Variants in SUFU observed in about 807,000 individuals in gnomAD.
SUFU encodes suppressor of fused homolog.
A neutral mutation model predicts 58.9 loss-of-function variants in SUFU; 7 were observed. That is an observed-to-expected ratio of 0.12 (90% CI 0.07 to 0.22). The LOEUF (loss-of-function observed/expected upper bound fraction) is 0.22, where lower values mean the gene tolerates loss of function less well. Ranked by LOEUF, SUFU falls within the 10% of genes least tolerant of loss-of-function variation. The pLI, the probability that SUFU is intolerant of heterozygous loss-of-function variation, is 1.00. For missense variants in SUFU, 451 were observed against 641.3 expected (o/e 0.70, Z 3.20); for synonymous variants, 232 against 254.8 (o/e 0.91, Z 0.85).
Position 102,629,927 on chromosome 10 carries a change from C to T in SUFU, c.1366-139C>T, listed in dbSNP as rs2063822619. ...AGCCCAGCCTGCCACCTGGGTCTAG[C>T]ATTTGAGAATGAAGCCACGCCTCCC... On this transcript the variant is annotated intron_variant, in intron 11 of 11. Transcript: ENST00000369902. This position sits in a 1 kb window ranked among gnomAD's most constrained non-coding sequence, Gnocchi z 4.7. 3 of 824,772 alleles carry T rather than the reference C, an allele frequency of 3.6e-6. No individual in the cohort carries two copies. The highest frequency in any genetic ancestry group is 4.3e-6 in the Non-Finnish European group (2 of 465,512). The allele number at this position is 824,772 out of a possible 1,614,324, so 51.1% of individuals were successfully genotyped here.
chr10:102,535,529 T>G (rs544630937), intron 2 of SUFU, among the ~76,000 whole-genome samples: 12 of 149,018 alleles, frequency 8.1e-5, no homozygotes, highest in African/African-American at 2.2e-4. Flanking sequence ...AAGAAAGAAA[T>G]AAGAGCTTTT....
chr10:102,620,414 C>T (rs2063729892), intron 10 of SUFU, among the ~76,000 whole-genome samples: 1 of 152,184 alleles, frequency 6.6e-6, no homozygotes, highest in Non-Finnish European at 1.5e-5. Flanking sequence ...ACAGCCTTCC[C>T]CCATCAGTCC....
At chr10:102,511,833 G>A (rs2062404123) in intron 2 of SUFU, among the ~76,000 whole-genome samples, 1 of 152,002 alleles carries the variant, frequency 6.6e-6, no homozygotes, top group African/African-American at 2.4e-5. Context: ...ACCTTAACCT[G>A]CCAAGGAGCT....
chr10:102,556,210 A>G (rs1271074004), intron 3 of SUFU, among the ~76,000 whole-genome samples: 2 of 149,214 alleles, frequency 1.3e-5, no homozygotes, highest in Non-Finnish European at 3.0e-5. Flanking sequence ...ATGGAGCTGT[A>G]TGAGGCAGCC....
intron 11 of SUFU, 83 bp downstream of exon 11, chr10:102,627,326 T>C (rs958856028): frequency 8.2e-7 from 1 of 1,219,444 alleles, no homozygotes; most frequent in East Asian, 2.3e-5. Flanking sequence ...TGTGCATGCA[T>C]GTGTGCGTGT....
intron 1 of SUFU, among the ~76,000 whole-genome samples, chr10:102,504,694 G>T (rs1347708562): frequency 6.6e-6 from 1 of 151,408 alleles, no homozygotes; most frequent in Non-Finnish European, 1.5e-5. Flanking sequence ...GGGGGCGGCC[G>T]AAGTGGGATG....
intron 3 of SUFU, among the ~76,000 whole-genome samples, chr10:102,581,924 G>T (rs1221321493): frequency 3.3e-5 from 5 of 152,136 alleles, no homozygotes; most frequent in Non-Finnish European, 5.9e-5. Context: ...CCTCCAAGTT[G>T]ACAGACCTGA....
At chr10:102,512,773 T>C (rs1179674784) in intron 2 of SUFU, among the ~76,000 whole-genome samples, 1 of 152,198 alleles carries the variant, frequency 6.6e-6, no homozygotes, top group Non-Finnish European at 1.5e-5. Context: ...AAGTCAAAAG[T>C]ACTTCTATAG....
Position 102,630,560 on chromosome 10 carries a change from G to A in SUFU, c.*405G>A, listed in dbSNP as rs2063829258. ...CGGACAGCCAGATGCAGAGCGAGTG[G>A]ATGCACTTCCCAGCTCATCTCTGGA... is the stretch of plus-strand genomic sequence containing the variant. On this transcript the variant is annotated 3_prime_UTR_variant, in exon 12 of 12. Coordinates refer to ENST00000369902, the MANE Select transcript of SUFU (RefSeq NM_016169.4). 1.3e-5 allele frequency: 5 copies of A among 378,632 alleles called. No individual in the cohort carries two copies. Among genetic ancestry groups the A allele is most frequent in the Non-Finnish European group, 2.5e-5 (5 of 200,608 alleles). The allele number at this position is 378,632 out of a possible 1,614,324, so 23.5% of individuals were successfully genotyped here.
At chr10:102,601,424 G>T (rs1439968748) in intron 8 of SUFU, among the ~76,000 whole-genome samples, 1 of 152,194 alleles carries the variant, frequency 6.6e-6, no homozygotes, top group African/African-American at 2.4e-5. Flanking sequence ...CCTTTGGCTT[G>T]AGTTGGCTGA....
intron 8 of SUFU, among the ~76,000 whole-genome samples, chr10:102,614,557 CA>C (rs1158727545): frequency 1.9e-3 from 224 of 117,014 alleles, no homozygotes; most frequent in African/African-American, 5.0e-3. Flanking sequence ...GATGCTATCT[CA>C]AAAAAAAAAA....
intron 10 of SUFU, among the ~76,000 whole-genome samples, chr10:102,621,297 G>T (rs373800122): frequency 2.0e-5 from 3 of 152,170 alleles, no homozygotes; most frequent in Non-Finnish European, 4.4e-5. Flanking sequence ...TGTCCAGGGG[G>T]ACACCCATTA....
chr10:102,619,739 G>T lies in SUFU; in HGVS notation c.1296+2311G>T, dbSNP rs1308508651. 6.6e-6 allele frequency among the ~76,000 whole-genome samples: 1 copy of T among 152,208 alleles called. No homozygotes were observed. The highest frequency in any genetic ancestry group is 6.5e-5 in the Admixed American group (1 of 15,282). On this transcript the variant is annotated intron_variant, in intron 10 of 11. Coordinates refer to ENST00000369902, the MANE Select transcript of SUFU (RefSeq NM_016169.4). This position sits in a 1 kb window ranked among gnomAD's most constrained non-coding sequence, Gnocchi z 4.2. ...GACTGCCAGCCAGCCGCCCCTGTTA[G>T]GGTCCTGCCACTGTGGTCACAGGCA... is the stretch of plus-strand genomic sequence containing the variant.
At chr10:102,526,141 T>C (rs995615816) in intron 2 of SUFU, among the ~76,000 whole-genome samples, 1 of 151,930 alleles carries the variant, frequency 6.6e-6, no homozygotes, top group African/African-American at 2.4e-5. Flanking sequence ...TAAGGAGGGG[T>C]GACCTGGCCC....
rs1189187497 is a variant in SUFU, at chr10:102,617,660, G to T, written c.1296+232G>T. 14 of 625,198 alleles carry T rather than the reference G, an allele frequency of 2.2e-5. No individual in the cohort carries two copies. The highest frequency in any genetic ancestry group is 5.5e-5 in the East Asian group (2 of 36,480). 38.7% of individuals were successfully genotyped at this position (625,198 alleles called of 1,614,324 possible). A position where few individuals can be genotyped will look rare whatever the true frequency, so the allele number is the denominator to read the frequency against. ...TCTCCCCCTGTCACCTGAGACACAA[G>T]TGTTAACTCTCCAGGCCCTGGCTCT... On this transcript the variant is annotated intron_variant, in intron 10 of 11. Transcript: ENST00000369902. This position sits in a 1 kb window ranked among gnomAD's most constrained non-coding sequence, Gnocchi z 4.4.
intron 10 of SUFU, among the ~76,000 whole-genome samples, chr10:102,624,656 C>G (rs1421535170): frequency 6.6e-6 from 1 of 152,178 alleles, no homozygotes; most frequent in African/African-American, 2.4e-5. Flanking sequence ...CAAAATAAGT[C>G]CACACACAGA....
At chr10:102,526,540 G>A (rs2062610124) in intron 2 of SUFU, among the ~76,000 whole-genome samples, 1 of 152,134 alleles carries the variant, frequency 6.6e-6, no homozygotes, top group South Asian at 2.1e-4. Context: ...GTGACAGAGT[G>A]AGACCCTGTC....
chr10:102,610,831 T>G (rs541622092), intron 8 of SUFU, among the ~76,000 whole-genome samples: 1 of 152,210 alleles, frequency 6.6e-6, no homozygotes, highest in East Asian at 1.9e-4. Flanking sequence ...TGCTCCTAGC[T>G]CCATGTAATC....
At position 102,619,282 on chromosome 10, in the gene SUFU, C is replaced by A; in HGVS notation, c.1296+1854C>A. 1 of 1,454,850 alleles carries A rather than the reference C, an allele frequency of 6.9e-7. No homozygotes were observed. The highest frequency in any genetic ancestry group is 1.4e-5 in the South Asian group (1 of 70,458). The allele number at this position is 1,454,850 out of a possible 1,614,324, so 90.1% of individuals were successfully genotyped here. The stretch of plus-strand genomic sequence containing the variant: ...CCCCTAGCTGCCGGGGTTCCCACTC[C>A]CAGTGCCACAACCCCCTCACCTCCC... On this transcript the variant is annotated intron_variant, in intron 10 of 11. Transcript: ENST00000369902. This position sits in a 1 kb window ranked among gnomAD's most constrained non-coding sequence, Gnocchi z 4.2.
Sources: allele counts gnomAD v4.1 joint callset (sites outside exome capture counted in the v4.1 genomes callset), GRCh38; gene constraint gnomAD v4.1.1; non-coding constraint Gnocchi (gnomAD v3.1); transcripts MANE v1.5; gene names NCBI Gene and HGNC (gene_info 2026-07-23, HGNC 2026-07-21).